The following SENP7 variants were observed in gnomAD, a reference collection of about 807,000 sequenced individuals.
SENP7 encodes SUMO specific peptidase 7.
A neutral mutation model predicts 141.2 loss-of-function variants in SENP7; 64 were observed. The observed-to-expected ratio is 0.45, with a 90% confidence interval of 0.37 to 0.56. The LOEUF (loss-of-function observed/expected upper bound fraction) is 0.56. Among genes scored for constraint, SENP7 ranks in the 20% least tolerant of loss-of-function variants. The probability of loss-of-function intolerance (pLI) is 0.00; values close to 1 mark genes in which losing one functional copy is unlikely to be tolerated. For missense variants in SENP7, 1,025 were observed against 1,212.2 expected (o/e 0.85, Z 2.29); for synonymous variants, 382 against 426.4 (o/e 0.90, Z 1.28).
chr3:101,409,318 T>C (rs1384782685), intron 5 of SENP7, among the ~76,000 whole-genome samples: 1 of 152,214 alleles, frequency 6.6e-6, no homozygotes, highest in Non-Finnish European at 1.5e-5. Flanking sequence ...ACACATCCCA[T>C]ACTCATGGAT....
chr3:101,338,428 C>G (rs2059245518), intron 16 of SENP7, among the ~76,000 whole-genome samples: 1 of 152,134 alleles, frequency 6.6e-6, no homozygotes. Context: ...TGTACTAAAA[C>G]AATCCTTCCA....
intron 4 of SENP7, among the ~76,000 whole-genome samples, chr3:101,423,072 T>C (rs1229798860): frequency 1.3e-5 from 2 of 152,140 alleles, no homozygotes; most frequent in Non-Finnish European, 2.9e-5. Context: ...CCTTTTGTCA[T>C]AATTTTATTT....
Position 101,459,060 on chromosome 3 carries a change from A to T in SENP7, c.187-8T>A. On this transcript the variant is annotated splice_region_variant and splice_polypyrimidine_tract_variant and intron_variant, in intron 3 of 23. Coordinates refer to ENST00000394095, the MANE Select transcript of SENP7 (RefSeq NM_020654.5). Reference sequence around the variant, plus strand: ...CCTTAGGCTTCTTTCCCACTAGGAAAAAAAAAATGAAATTTTAATAATAAA... The same window carrying T: ...CCTTAGGCTTCTTTCCCACTAGGAATAAAAAAATGAAATTTTAATAATAAA... 1 of 1,486,306 alleles carries T rather than the reference A, an allele frequency of 6.7e-7. No homozygotes were observed. The highest frequency in any genetic ancestry group is 9.2e-7 in the Non-Finnish European group (1 of 1,084,918). 92.1% of individuals were successfully genotyped at this position (1,486,306 alleles called of 1,614,324 possible).
intron 13 of SENP7, among the ~76,000 whole-genome samples, chr3:101,344,313 T>C (rs1267670624): frequency 6.6e-6 from 1 of 152,190 alleles, no homozygotes; most frequent in African/African-American, 2.4e-5. Context: ...AGAAACATAT[T>C]CCAATTAAAC....
Position 101,337,612 on chromosome 3 carries a change from C to T in SENP7, c.2377G>A (p.Ala793Thr). The change falls in exon 17 of 24, where the codon GCA (alanine) becomes ACA (threonine). Residue 793 changes from alanine to threonine, a missense_variant. Coordinates refer to ENST00000394095, the MANE Select transcript of SENP7 (RefSeq NM_020654.5). The stretch of plus-strand genomic sequence containing the variant: ...CTTCGTTCAACAAGTTCATCTGATG[C>T]CTTCTCCAATATAAGATACCTGTAA... ...FYLKYLILEK[A>T]SDELVERSHI... 10 of 1,602,926 alleles carry T rather than the reference C, an allele frequency of 6.2e-6. No individual in the cohort carries two copies. The highest frequency in any genetic ancestry group is 8.5e-6 in the Non-Finnish European group (10 of 1,175,080).
At chr3:101,399,544 G>A (rs1026334705) in intron 5 of SENP7, among the ~76,000 whole-genome samples, 5 of 152,176 alleles carry the variant, frequency 3.3e-5, no homozygotes, top group Admixed American at 6.5e-5. Context: ...GAAAGATTCC[G>A]TAACTGAAAC....
chr3:101,509,553 C>A (rs1027985194), intron 1 of SENP7, among the ~76,000 whole-genome samples: 4 of 152,180 alleles, frequency 2.6e-5, no homozygotes, highest in African/African-American at 9.7e-5. Flanking sequence ...TGATTTAAGA[C>A]CTTCCTCACT....
intron 3 of SENP7, among the ~76,000 whole-genome samples, chr3:101,485,644 C>T (rs902215594): frequency 6.6e-6 from 1 of 152,202 alleles, no homozygotes; most frequent in Admixed American, 6.5e-5. Context: ...TCTGACAGAG[C>T]CTACCCAAAT....
chr3:101,380,687 A>T (rs1259596609), intron 6 of SENP7, among the ~76,000 whole-genome samples: 1 of 151,924 alleles, frequency 6.6e-6, no homozygotes, highest in African/African-American at 2.4e-5. Context: ...CAGACCAAAT[A>T]AAAAGCATAA....
At chr3:101,468,486 C>T (rs565342582) in intron 3 of SENP7, among the ~76,000 whole-genome samples, 15 of 152,302 alleles carry the variant, frequency 9.8e-5, no homozygotes, top group African/African-American at 3.1e-4. Flanking sequence ...CAAAGGGAAG[C>T]CCATCAAACT....
intron 3 of SENP7, among the ~76,000 whole-genome samples, chr3:101,473,521 C>A (rs1359185781): frequency 2.0e-5 from 3 of 152,200 alleles, no homozygotes; most frequent in Non-Finnish European, 4.4e-5. Context: ...TTGTTGGCTG[C>A]ATGTACGTCT....
At chr3:101,417,397 C>G (rs953351424) in intron 5 of SENP7, among the ~76,000 whole-genome samples, 196 bp downstream of exon 5, 11 of 152,046 alleles carry the variant, frequency 7.2e-5, no homozygotes, top group African/African-American at 2.7e-4. Context: ...CCATGTCAAT[C>G]TGCTTAATGA....
intron 6 of SENP7, among the ~76,000 whole-genome samples, chr3:101,395,242 G>A (rs2060934429): frequency 6.6e-6 from 1 of 152,172 alleles, no homozygotes; most frequent in Non-Finnish European, 1.5e-5. Flanking sequence ...CCACAAGCAT[G>A]TCCCCTATGT....
intron 1 of SENP7, among the ~76,000 whole-genome samples, chr3:101,507,648 T>C (rs2065675415): frequency 1.5e-5 from 2 of 134,750 alleles, no homozygotes; most frequent in African/African-American, 2.7e-5. Flanking sequence ...ATCTCCATTG[T>C]TTCCTTTGGG....
At chr3:101,327,921 A>C in intron 22 of SENP7, 105 bp from the exon 23 acceptor site, 3 of 907,876 alleles carry the variant, frequency 3.3e-6, no homozygotes, top group Non-Finnish European at 4.8e-6. Context: ...GTGCTGTCTC[A>C]AGCCAAATTT....
At chr3:101,465,457 C>A (rs1162617009) in intron 3 of SENP7, among the ~76,000 whole-genome samples, 1 of 152,198 alleles carries the variant, frequency 6.6e-6, no homozygotes, top group African/African-American at 2.4e-5. Context: ...AACAGCCCAC[C>A]TGGAGTCCTC....
intron 19 of SENP7, among the ~76,000 whole-genome samples, chr3:101,331,448 A>G (rs546429801): frequency 4.0e-4 from 60 of 148,256 alleles, no homozygotes; most frequent in Admixed American, 3.9e-3. Context: ...GAGCCACTGC[A>G]CTACACCAAG....
At chr3:101,463,378 T>TATATAC (rs1553744689) in intron 3 of SENP7, among the ~76,000 whole-genome samples, 3 of 84,410 alleles carry the variant, frequency 3.6e-5, no homozygotes, top group African/African-American at 1.1e-4. Context: ...TATATATATA[T>TATATAC]ATATATATAT....
At chr3:101,346,906 A>T (rs904755515) in intron 13 of SENP7, among the ~76,000 whole-genome samples, 5 of 114,090 alleles carry the variant, frequency 4.4e-5, no homozygotes, top group Admixed American at 8.7e-5. Flanking sequence ...CCATGGAAAT[A>T]AAAAAAAAAT....
Sources: gnomAD v4.1 joint callset for allele counts (sites outside exome capture counted in the v4.1 genomes callset) on GRCh38, gnomAD v4.1.1 for gene constraint, MANE v1.5 for transcripts, NCBI Gene and HGNC (gene_info 2026-07-23, HGNC 2026-07-21) for gene names.